Variants in APBB1IP observed in about 807,000 individuals in gnomAD.
The protein encoded by APBB1IP is amyloid beta A4 precursor protein-binding family B member 1-interacting protein.
APBB1IP carries 27 observed loss-of-function variants against 64.9 expected under a neutral mutation model. The ratio of observed to expected loss-of-function variants is 0.42; its 90% CI spans 0.31 to 0.57. The LOEUF (loss-of-function observed/expected upper bound fraction) is 0.57, where lower values mean the gene tolerates loss of function less well. Among genes scored for constraint, APBB1IP ranks in the 20% least tolerant of loss-of-function variants. The pLI is 0.20. For synonymous variants in APBB1IP, 392 were observed against 331.0 expected (o/e 1.18, Z -2.00); for missense variants, 812 against 845.5 (o/e 0.96, Z 0.49).
At chr10:26,445,056 C>T (rs1246429344) in intron 2 of APBB1IP, among the ~76,000 whole-genome samples, 1 of 149,610 alleles carries the variant, frequency 6.7e-6, no homozygotes, top group Non-Finnish European at 1.5e-5. Flanking sequence ...CAAGATCATG[C>T]CACTGCACTC....
rs149378830 is a variant in APBB1IP, at chr10:26,459,717, T to A, written c.-1+20864T>A. Among the ~76,000 whole-genome samples the A allele has an allele frequency of 9.0e-3, 1,369 of 152,334 alleles. 7 individuals are homozygous for A. The highest frequency in any genetic ancestry group is 0.015 in the Non-Finnish European group (1,042 of 68,030). On this transcript the variant is annotated intron_variant, in intron 2 of 14. Transcript: ENST00000376236. ...CTACTTAAGGAGTTTTTTTTAAAAT[T>A]TGTTTTAGCCCTTATTTTTCATTTT...
At chr10:26,561,064 C>CTTTTTTTTTTTTTTTTTTT (rs764573338) in intron 13 of APBB1IP, among the ~76,000 whole-genome samples, 9 of 69,216 alleles carry the variant, frequency 1.3e-4, no homozygotes, top group Non-Finnish European at 1.8e-4. Flanking sequence ...TTCTTTCTTT[C>CTTTTTTTTTTTTTTTTTTT]TTTTTTTTTT....
chr10:26,493,317 C>T (rs1170432771), intron 3 of APBB1IP, among the ~76,000 whole-genome samples: 1 of 152,144 alleles, frequency 6.6e-6, no homozygotes, highest in Non-Finnish European at 1.5e-5. Flanking sequence ...AGGCGACATA[C>T]ATCTTTAGCT....
rs1177789790 is a variant in APBB1IP, at chr10:26,496,368, G to A, written c.137G>A (p.Ser46Asn). ...CCACCCAGAGCTGAATTTAACTACA[G>A]TGTGGGGTTTAAAGATTTAAATGGT... ...PNPPRAEFNY[S>N]VGFKDLNESL... Residue 46 changes from serine (S) to asparagine (N), a missense_variant, in exon 4 of 15, where the codon AGT (serine) becomes AAT (asparagine). Physicochemically the swap from Ser to Asn is conservative, Grantham distance 46 (BLOSUM62 1). Transcript: ENST00000376236. The A allele has an allele frequency of 1.2e-6, 2 of 1,611,970 alleles. No individual in the cohort carries two copies. Among genetic ancestry groups the A allele is most frequent in the Admixed American group, 1.7e-5 (1 of 59,908 alleles).
chr10:26,522,149 A>G (rs932222348), intron 8 of APBB1IP, among the ~76,000 whole-genome samples: 30 of 152,236 alleles, frequency 2.0e-4, no homozygotes, highest in African/African-American at 7.2e-4. Context: ...CAGTTCCATG[A>G]CAATTTGATT....
intron 6 of APBB1IP, among the ~76,000 whole-genome samples, chr10:26,510,731 G>GTC (rs147913300): frequency 2.1e-4 from 26 of 121,654 alleles, no homozygotes; most frequent in East Asian, 1.2e-3. Flanking sequence ...GCAAGACCCT[G>GTC]TCTCACACAC....
chr10:26,531,616 G>A (rs1222996573), intron 8 of APBB1IP, among the ~76,000 whole-genome samples: 1 of 147,146 alleles, frequency 6.8e-6, no homozygotes, highest in Non-Finnish European at 1.5e-5. Context: ...GCAGTGAACC[G>A]AGATGGCGCC....
At chr10:26,470,253 C>T (rs1042606211) in intron 2 of APBB1IP, among the ~76,000 whole-genome samples, 1 of 152,154 alleles carries the variant, frequency 6.6e-6, no homozygotes, top group African/African-American at 2.4e-5. Context: ...AAAAGAGGCT[C>T]GGACTGGGCA....
chr10:26,497,867 C>T (rs1049427999), intron 4 of APBB1IP, among the ~76,000 whole-genome samples: 10 of 151,648 alleles, frequency 6.6e-5, no homozygotes, highest in Admixed American at 4.6e-4. Context: ...GCTGGGACTA[C>T]AGGCATGCGC....
intron 12 of APBB1IP, among the ~76,000 whole-genome samples, chr10:26,560,482 G>A (rs891180387): frequency 2.6e-5 from 4 of 152,094 alleles, no homozygotes; most frequent in Non-Finnish European, 5.9e-5. Flanking sequence ...AAAGACACAC[G>A]TAATCAGAAC....
In APBB1IP at chr10:26,494,987, ATTTCTTTC is replaced by A. The variant is rs368140204; in HGVS notation, c.73-1301_73-1294del. ...TAAAAGGTGTTAGGATGGCAACCAT[ATTTCTTTC>A]TTTCTTTCTTTCTTTTTCTTTTTTT... is the stretch of plus-strand genomic sequence containing the variant. On this transcript the variant is annotated intron_variant, in intron 3 of 14. Coordinates refer to ENST00000376236, the MANE Select transcript of APBB1IP (RefSeq NM_019043.4). Among the ~76,000 whole-genome samples the A allele has an allele frequency of 3.3e-5, 5 of 150,450 alleles. No individual in the cohort carries two copies. In the South Asian group the frequency reaches 6.4e-4, roughly 19 times the overall value.
At chr10:26,503,092 ACC>A in intron 5 of APBB1IP, 103 bp from the exon 6 acceptor site, 1 of 1,025,500 alleles carries the variant, frequency 9.8e-7, no homozygotes, top group Non-Finnish European at 1.4e-6. Flanking sequence ...GAAATTTGGT[ACC>A]TTTTGTTAAT....
chr10:26,545,882 T>TGGA (rs1477744937), intron 11 of APBB1IP, among the ~76,000 whole-genome samples: 2 of 145,032 alleles, frequency 1.4e-5, no homozygotes, highest in Non-Finnish European at 3.0e-5. Context: ...CCCCGGGAGG[T>TGGA]GGAGGTTGCA....
At chr10:26,548,142 T>C (rs1163954432) in intron 11 of APBB1IP, among the ~76,000 whole-genome samples, 1 of 152,328 alleles carries the variant, frequency 6.6e-6, no homozygotes, top group East Asian at 1.9e-4. Context: ...CCACATAAAT[T>C]TGAGGATTGC....
chr10:26,478,493 G>A (rs1365738227), intron 2 of APBB1IP, among the ~76,000 whole-genome samples: 2 of 152,060 alleles, frequency 1.3e-5, no homozygotes, highest in Non-Finnish European at 2.9e-5. Flanking sequence ...GCGCATGCCT[G>A]TAATCCAGCT....
At position 26,477,758 on chromosome 10, in the gene APBB1IP, G is replaced by C. The variant is rs146726066; in HGVS notation, c.1-14569G>C. Among the ~76,000 whole-genome samples the C allele has an allele frequency of 4.1e-4, 62 of 152,216 alleles. 1 individual carries two copies. The Middle Eastern group carries it at 0.01, about 25-fold the overall frequency. ...ATGTTTCTAATTTTTTTGAGTCAAG[G>C]TCTCACTCTGTCACCTGGGCTTGAA... is the stretch of plus-strand genomic sequence containing the variant. On this transcript the variant is annotated intron_variant, in intron 2 of 14. Transcript: ENST00000376236.
chr10:26,491,108 G>A (rs756518229), intron 2 of APBB1IP, among the ~76,000 whole-genome samples: 6 of 151,922 alleles, frequency 3.9e-5, no homozygotes, highest in African/African-American at 7.3e-5. Context: ...ATGAAACCTC[G>A]TCTCTACTAA....
intron 11 of APBB1IP, among the ~76,000 whole-genome samples, chr10:26,549,446 G>A (rs1337620150): frequency 6.6e-6 from 1 of 152,026 alleles, no homozygotes; most frequent in Non-Finnish European, 1.5e-5. Flanking sequence ...TCAGGTCCTG[G>A]GCTTTTCTTT....
At chr10:26,528,958 G>A (rs1389173498) in intron 8 of APBB1IP, among the ~76,000 whole-genome samples, 2 of 152,174 alleles carry the variant, frequency 1.3e-5, no homozygotes, top group Non-Finnish European at 2.9e-5. Context: ...GAACAGGGAT[G>A]TTTTACATGT....
Sources: gnomAD v4.1 joint callset for allele counts (sites outside exome capture counted in the v4.1 genomes callset) on GRCh38, gnomAD v4.1.1 for gene constraint, MANE v1.5 for transcripts, NCBI Gene and HGNC (gene_info 2026-07-23, HGNC 2026-07-21) for gene names.